The following SLC14A2 variants were observed in gnomAD, a reference collection of about 807,000 sequenced individuals.
The protein encoded by SLC14A2 is urea transporter 2.
In SLC14A2, 91 loss-of-function variants were observed where a neutral mutation model predicts 104.6. The ratio of observed to expected loss-of-function variants is 0.87; its 90% CI spans 0.73 to 1.04. The LOEUF is 1.04. Ranked by LOEUF, SLC14A2 falls within the 50% of genes least tolerant of loss-of-function variation. The pLI is 0.00. For synonymous variants in SLC14A2, 476 were observed against 466.4 expected, an observed-to-expected ratio of 1.02 and a Z score of -0.27; for missense variants, 1,189 against 1,156.0, an observed-to-expected ratio of 1.03 and a Z score of -0.41.
At chr18:45,677,911 C>T (rs996231023) in intron 18 of SLC14A2, among the ~76,000 whole-genome samples, 3 of 152,134 alleles carry the variant, frequency 2.0e-5, no homozygotes, top group Admixed American at 6.5e-5. Context: ...CTCAAACTTC[C>T]GGGCTCAAGC....
chr18:45,296,849 T>C (rs1010090278), intron 1 of SLC14A2, among the ~76,000 whole-genome samples: 3 of 146,360 alleles, frequency 2.0e-5, no homozygotes, highest in African/African-American at 5.2e-5. Context: ...CAGTCTCTGC[T>C]GGCTGAGATA....
chr18:45,556,058 T>C (rs2044129067), intron 2 of SLC14A2, among the ~76,000 whole-genome samples: 1 of 152,214 alleles, frequency 6.6e-6, no homozygotes, highest in Admixed American at 6.5e-5. Flanking sequence ...GGTGCCAGCA[T>C]GGTCAGGTTC....
chr18:45,184,212 C>T, the SLC14A2 span, among the ~76,000 whole-genome samples: 2 of 152,146 alleles, frequency 1.3e-5, no homozygotes, highest in Non-Finnish European at 2.9e-5. Flanking sequence ...TATAGTCACA[C>T]TGCTATTGTG....
upstream of SLC14A2, among the ~76,000 whole-genome samples, chr18:45,210,894 A>G (rs983420935): frequency 3.3e-5 from 5 of 152,224 alleles, no homozygotes; most frequent in African/African-American, 1.2e-4. Context: ...TAACACTACT[A>G]CTATTTTTTT....
chr18:45,530,948 T>C (rs2060223114), intron 2 of SLC14A2, among the ~76,000 whole-genome samples: 1 of 150,840 alleles, frequency 6.6e-6, no homozygotes, highest in African/African-American at 2.4e-5. Flanking sequence ...GAACATGCGG[T>C]GTTTGGTTTT....
intron 2 of SLC14A2, chr18:45,550,124 TCA>T (rs2044036750): frequency 6.6e-6 from 1 of 152,182 alleles, no homozygotes; most frequent in East Asian, 1.9e-4. Flanking sequence ...GAGGAATAAC[TCA>T]CAGACCTCAT....
chr18:45,492,682 T>C (rs2043022943), intron 2 of SLC14A2, among the ~76,000 whole-genome samples: 1 of 152,160 alleles, frequency 6.6e-6, no homozygotes, highest in Non-Finnish European at 1.5e-5. Context: ...GGGATTACTA[T>C]TGCTAAGGAA....
chr18:45,435,765 G>A (rs1190154360), intron 1 of SLC14A2, among the ~76,000 whole-genome samples: 4 of 152,204 alleles, frequency 2.6e-5, no homozygotes, highest in Non-Finnish European at 5.9e-5. Flanking sequence ...AATAACTAGG[G>A]TGAAGATACA....
At chr18:45,391,967 T>C (rs183554181) in intron 1 of SLC14A2, among the ~76,000 whole-genome samples, 1 of 152,352 alleles carries the variant, frequency 6.6e-6, no homozygotes, top group African/African-American at 2.4e-5. Context: ...TTTGTTGCCA[T>C]TGCTTTTGGT....
At chr18:45,489,246 G>C (rs1319727581) in intron 2 of SLC14A2, among the ~76,000 whole-genome samples, 1 of 152,080 alleles carries the variant, frequency 6.6e-6, no homozygotes, top group Admixed American at 6.6e-5. Flanking sequence ...ATTTCACAAT[G>C]CTACTTATAA....
intron 2 of SLC14A2, among the ~76,000 whole-genome samples, chr18:45,483,998 TG>T (rs2087547495): frequency 6.6e-6 from 1 of 152,188 alleles, no homozygotes; most frequent in Non-Finnish European, 1.5e-5. Flanking sequence ...CTCTTTTCAT[TG>T]GGATCTATAA....
intron 1 of SLC14A2, among the ~76,000 whole-genome samples, chr18:45,282,335 A>G (rs2084770992): frequency 6.6e-6 from 1 of 152,108 alleles, no homozygotes. Context: ...TTGGACCCCA[A>G]CTTAGTTCTC....
At chr18:45,277,058 T>G (rs112171221) in intron 1 of SLC14A2, among the ~76,000 whole-genome samples, 1 of 152,250 alleles carries the variant, frequency 6.6e-6, no homozygotes, top group African/African-American at 2.4e-5. Context: ...TAGCCTGTCA[T>G]GGGAGCCAAT....
At chr18:45,559,653 T>C (rs1485102286) in intron 2 of SLC14A2, among the ~76,000 whole-genome samples, 1 of 152,240 alleles carries the variant, frequency 6.6e-6, no homozygotes, top group African/African-American at 2.4e-5. Flanking sequence ...TATTTACAAC[T>C]TGGATTTGTA....
At chr18:45,273,518 A>G (rs912082831) in intron 1 of SLC14A2, among the ~76,000 whole-genome samples, 5 of 152,158 alleles carry the variant, frequency 3.3e-5, no homozygotes, top group African/African-American at 7.2e-5. Flanking sequence ...GGGAACAGGT[A>G]GTGTGCAATA....
chr18:45,203,269 G>T, the SLC14A2 span, among the ~76,000 whole-genome samples: 2 of 152,128 alleles, frequency 1.3e-5, no homozygotes, highest in Admixed American at 6.5e-5. Flanking sequence ...TTCAAAGTCG[G>T]CTGTCTTCTT....
At chr18:45,185,149 C>A in the SLC14A2 span, among the ~76,000 whole-genome samples, 2 of 152,182 alleles carry the variant, frequency 1.3e-5, no homozygotes, top group Non-Finnish European at 2.9e-5. Flanking sequence ...ACACTTGAAC[C>A]ACTTAGTGCT....
chr18:45,410,626 TAC>T (rs1369809895), intron 1 of SLC14A2, among the ~76,000 whole-genome samples: 4 of 152,114 alleles, frequency 2.6e-5, no homozygotes, highest in African/African-American at 7.3e-5. Flanking sequence ...ATATTATATA[TAC>T]AGTTGATCAT....
chr18:45,548,130 A>G (rs1261916834), intron 2 of SLC14A2, among the ~76,000 whole-genome samples: 1 of 152,220 alleles, frequency 6.6e-6, no homozygotes, highest in Non-Finnish European at 1.5e-5. Flanking sequence ...ATGACCCATG[A>G]TAGCCGTGAA....
Sources: gnomAD v4.1 joint callset for allele counts (sites outside exome capture counted in the v4.1 genomes callset) on GRCh38, gnomAD v4.1.1 for gene constraint, MANE v1.5 for transcripts, NCBI Gene and HGNC (gene_info 2026-07-23, HGNC 2026-07-21) for gene names.